Variants in CPD observed in about 807,000 individuals in gnomAD.
The protein encoded by CPD is metallocarboxypeptidase D.
A neutral mutation model predicts 138.3 loss-of-function variants in CPD; 69 were observed. That is an observed-to-expected ratio of 0.50 (90% CI 0.41 to 0.61). The LOEUF (loss-of-function observed/expected upper bound fraction) is 0.61, where lower values mean the gene tolerates loss of function less well. Among genes scored for constraint, CPD ranks in the 20% least tolerant of loss-of-function variants. The pLI is 0.00. For synonymous variants in CPD, 651 were observed against 642.1 expected, an observed-to-expected ratio of 1.01 and a Z score of -0.21; for missense variants, 1,432 against 1,733.3, an observed-to-expected ratio of 0.83 and a Z score of 3.09.
At chr17:30,420,816 T>C (rs562829351) in intron 2 of CPD, 25 bp from the exon 3 acceptor site, 9 of 1,585,786 alleles carry the variant, frequency 5.7e-6, no homozygotes, top group South Asian at 1.2e-5. Context: ...CTTCTGAGAG[T>C]AAACTTATTT....
In CPD at chr17:30,422,792, A is replaced by G. The variant is rs1398436487; in HGVS notation, c.1426A>G (p.Thr476Ala). ...CCCTGACACGACAGAGGCTGTATCA[A>G]CTGCTAGCACAGTTGCTATACCTAA... ...VIPDTTEAVS[T>A]ASTVAIPNIL... is the part of the protein sequence containing the mutation. The change falls in exon 5 of 21, where the codon ACT becomes GCT. Residue 476 changes from threonine to alanine, a missense_variant. This residue lies in a region of CPD where 160 missense variants were observed against 197.9 expected (regional missense o/e 0.81). Transcript: ENST00000225719. 2 of 1,614,100 alleles carry G rather than the reference A, an allele frequency of 1.2e-6. No homozygotes were observed. Among genetic ancestry groups the G allele is most frequent in the Non-Finnish European group, 1.7e-6 (2 of 1,179,958 alleles).
intron 2 of CPD, among the ~76,000 whole-genome samples, chr17:30,398,785 C>T (rs1014677650): frequency 1.4e-4 from 21 of 151,140 alleles, no homozygotes; most frequent in Non-Finnish European, 2.9e-5. Flanking sequence ...CTTAATGTCC[C>T]CATTTGGTTC....
chr17:30,455,562 G>A, intron 15 of CPD, 92 bp downstream of exon 15: 1 of 1,391,430 alleles, frequency 7.2e-7, no homozygotes, highest in Non-Finnish European at 9.9e-7. Context: ...TATAAATAGT[G>A]AGCATTTGAG....
At chr17:30,433,911 T>A (rs1912632034) in intron 8 of CPD, among the ~76,000 whole-genome samples, 1 of 152,230 alleles carries the variant, frequency 6.6e-6, no homozygotes. Context: ...CCCACTGCAT[T>A]CTGCCTCCTC....
chr17:30,457,196 T>A (rs1331650072), intron 17 of CPD, among the ~76,000 whole-genome samples: 1 of 152,206 alleles, frequency 6.6e-6, no homozygotes, highest in Non-Finnish European at 1.5e-5. Flanking sequence ...ATTTGCCTAT[T>A]CTAGGTATTT....
intron 2 of CPD, among the ~76,000 whole-genome samples, chr17:30,398,149 T>C (rs1356199954): frequency 1.3e-5 from 2 of 152,142 alleles, no homozygotes; most frequent in African/African-American, 2.4e-5. Flanking sequence ...GTTATTTTAG[T>C]ATTAACAAAC....
chr17:30,458,206 TAAAC>T (rs1177321493), intron 17 of CPD, among the ~76,000 whole-genome samples: 5 of 152,136 alleles, frequency 3.3e-5, no homozygotes. Flanking sequence ...AAAAAACGAA[TAAAC>T]AAACAAAACC....
chr17:30,422,110 A>G (rs1912282061), intron 4 of CPD, among the ~76,000 whole-genome samples: 1 of 152,214 alleles, frequency 6.6e-6, no homozygotes. Context: ...GCATTGCCTT[A>G]AAGCTAACCG....
intron 18 of CPD, 113 bp downstream of exon 18, chr17:30,461,424 TAGAA>T (rs1189404680): frequency 2.6e-6 from 2 of 778,068 alleles, no homozygotes; most frequent in Non-Finnish European, 3.5e-6. Flanking sequence ...TAAATTTATA[TAGAA>T]AGAAGAGTTT....
chr17:30,446,042 CTT>C (rs752252494), intron 12 of CPD, 22 bp downstream of exon 12: 3,852 of 1,136,348 alleles, frequency 3.4e-3, no homozygotes, highest in South Asian at 5.2e-3. Flanking sequence ...TTTCTATTGT[CTT>C]TTTTTTTTTT....
At chr17:30,435,012 GA>G (rs1415722172) in intron 8 of CPD, among the ~76,000 whole-genome samples, 2 of 151,980 alleles carry the variant, frequency 1.3e-5, no homozygotes, top group Non-Finnish European at 2.9e-5. Context: ...AGAAGCAGAA[GA>G]AAACTGTTCA....
At chr17:30,419,253 A>T (rs964185702) in intron 2 of CPD, among the ~76,000 whole-genome samples, 4 of 152,194 alleles carry the variant, frequency 2.6e-5, no homozygotes, top group Non-Finnish European at 5.9e-5. Flanking sequence ...TAAAACTATG[A>T]CATTGACCTT....
rs771978811 is a variant in CPD at position 30,451,743 on chromosome 17, T to G, written c.3102T>G (p.Pro1034=). Residue 1034 remains proline, a synonymous_variant, in exon 14 of 21, where the codon CCT becomes CCG. Coordinates refer to ENST00000225719, the MANE Select transcript of CPD (RefSeq NM_001304.5). ...ACAGGACTAGGATTGTGATTGTCCCTTCTCTAAATCCAGATGGGCGAGAGA... is the reference window on the plus strand; with the variant it reads ...ACAGGACTAGGATTGTGATTGTCCCGTCTCTAAATCCAGATGGGCGAGAGA... ...LVDRTRIVIV[P]SLNPDGRERA... 2 of 1,614,054 alleles carry G rather than the reference T, an allele frequency of 1.2e-6. No individual in the cohort carries two copies. The highest frequency in any genetic ancestry group is 1.7e-6 in the Non-Finnish European group (2 of 1,179,940).
intron 2 of CPD, among the ~76,000 whole-genome samples, chr17:30,389,691 C>T (rs978715882): frequency 6.6e-6 from 1 of 152,148 alleles, no homozygotes; most frequent in Non-Finnish European, 1.5e-5. Flanking sequence ...GGTATTAAGG[C>T]CAGAGATTAT....
intron 2 of CPD, among the ~76,000 whole-genome samples, chr17:30,420,421 T>C (rs1461137089): frequency 6.6e-6 from 1 of 152,242 alleles, no homozygotes. Flanking sequence ...TTAATTTCTT[T>C]GTGCCCTACT....
intron 2 of CPD, among the ~76,000 whole-genome samples, chr17:30,394,165 CA>C (rs1284821068): frequency 8.0e-5 from 2 of 24,912 alleles, no homozygotes; most frequent in Admixed American, 5.4e-4. Flanking sequence ...AGACCCGTGT[CA>C]AAAAAAAAAG....
rs1910978536 is a variant in CPD at position 30,379,362 on chromosome 17, G to C, written c.382G>C (p.Gly128Arg). Residue 128 changes from glycine to arginine, a missense_variant, in exon 1 of 21, where the codon GGC (glycine) becomes CGC (arginine). Coordinates refer to ENST00000225719, the MANE Select transcript of CPD (RefSeq NM_001304.5). The surrounding 1 kb of genome is among the most constrained non-coding windows in gnomAD (Gnocchi z 7.0). ...CGACGCTGCGGGGCCGCTGCTGCCC[G>C]GCCGGCCCCAGGTGAAGCTGGTGGG... ...GPDAAGPLLPGRPQVKLVGNM... is the reference protein window; with the variant it reads ...GPDAAGPLLPRRPQVKLVGNM... 1.3e-6 allele frequency: 2 copies of C among 1,503,762 alleles called. No individual in the cohort carries two copies. The highest frequency in any genetic ancestry group is 1.8e-6 in the Non-Finnish European group (2 of 1,133,890). 93.2% of individuals were successfully genotyped at this position (1,503,762 alleles called of 1,614,324 possible). A position where few individuals can be genotyped will look rare whatever the true frequency, so the allele number is the denominator to read the frequency against.
chr17:30,411,844 C>T (rs959684596), intron 2 of CPD, among the ~76,000 whole-genome samples: 7 of 152,204 alleles, frequency 4.6e-5, no homozygotes, highest in African/African-American at 7.2e-5. Context: ...TACCAACCTT[C>T]GGAAGCCTAC....
At chr17:30,414,483 T>C (rs1912052497) in intron 2 of CPD, among the ~76,000 whole-genome samples, 1 of 150,896 alleles carries the variant, frequency 6.6e-6, no homozygotes, top group South Asian at 2.1e-4. Context: ...CTCGGGAAGC[T>C]GAGGCAGGAG....
Sources: allele counts gnomAD v4.1 joint callset (sites outside exome capture counted in the v4.1 genomes callset), GRCh38; gene constraint gnomAD v4.1.1; regional missense constraint gnomAD v4.1.1; non-coding constraint Gnocchi (gnomAD v3.1); transcripts MANE v1.5; gene names NCBI Gene and HGNC (gene_info 2026-07-23, HGNC 2026-07-21).